Variants in IFT74 observed in about 807,000 individuals in gnomAD.
IFT74 encodes intraflagellar transport protein 74 homolog.
In IFT74, 92 loss-of-function variants were observed where a neutral mutation model predicts 96.7. That is an observed-to-expected ratio of 0.95 (90% CI 0.80 to 1.13). The LOEUF (loss-of-function observed/expected upper bound fraction) is 1.13. IFT74 is among the 50% of genes most tolerant of loss of function. The pLI is 0.00. For synonymous variants in IFT74, 223 were observed against 213.2 expected, an observed-to-expected ratio of 1.05 and a Z score of -0.40; for missense variants, 811 against 698.2, an observed-to-expected ratio of 1.16 and a Z score of -1.82.
At chr9:27,051,302 C>A (rs150822549) in intron 16 of IFT74, among the ~76,000 whole-genome samples, 120 of 151,972 alleles carry the variant, frequency 7.9e-4, no homozygotes, top group African/African-American at 2.3e-3. Flanking sequence ...TATTTTATAT[C>A]CAGATTTGTT....
At chr9:27,045,346 C>A (rs1306834836) in intron 14 of IFT74, among the ~76,000 whole-genome samples, 5 of 152,192 alleles carry the variant, frequency 3.3e-5, no homozygotes, top group South Asian at 2.1e-4. Flanking sequence ...AAATTGTCTT[C>A]CATGGTCCCT....
intron 12 of IFT74, among the ~76,000 whole-genome samples, chr9:27,022,889 C>T (rs542106893): frequency 3.9e-5 from 6 of 152,232 alleles, no homozygotes; most frequent in African/African-American, 1.2e-4. Context: ...CTGCCTACCT[C>T]GGCCTCCCAA....
chr9:27,036,224 CA>C (rs1819174056), intron 13 of IFT74, among the ~76,000 whole-genome samples: 1 of 152,164 alleles, frequency 6.6e-6, no homozygotes, highest in Admixed American at 6.5e-5. Flanking sequence ...CTTGCTATCT[CA>C]GGGGTAGCAG....
intron 8 of IFT74, chr9:26,996,542 A>G (rs1828170671): frequency 4.1e-6 from 5 of 1,231,816 alleles, no homozygotes; most frequent in African/African-American, 3.1e-5. Context: ...GAGAAAAATA[A>G]TAGTTAACAA....
chr9:27,062,472 G>C (rs1332387962), intron 19 of IFT74, 146 bp from the exon 20 acceptor site: 1 of 530,334 alleles, frequency 1.9e-6, no homozygotes, highest in East Asian at 3.3e-5. Flanking sequence ...TGCTTAATCT[G>C]TTAAAATGAT....
At chr9:26,979,982 T>C (rs1827299983) in intron 3 of IFT74, among the ~76,000 whole-genome samples, 1 of 152,148 alleles carries the variant, frequency 6.6e-6, no homozygotes, top group Non-Finnish European at 1.5e-5. Flanking sequence ...CCCAAAGTGC[T>C]GGGATTACAG....
intron 8 of IFT74, among the ~76,000 whole-genome samples, chr9:26,990,942 ATTAT>A (rs1192611131): frequency 1.3e-5 from 2 of 152,214 alleles, no homozygotes; most frequent in Non-Finnish European, 2.9e-5. Context: ...TTATTCCTGA[ATTAT>A]TTATTCTAAG....
chr9:26,947,891 AT>A (rs1436209274), intron 1 of IFT74, among the ~76,000 whole-genome samples: 1 of 152,086 alleles, frequency 6.6e-6, no homozygotes, highest in Non-Finnish European at 1.5e-5. Flanking sequence ...TGAGATACGT[AT>A]TTTTAACAAC....
intron 13 of IFT74, among the ~76,000 whole-genome samples, chr9:27,041,209 T>G (rs545029813): frequency 3.9e-5 from 6 of 152,242 alleles, no homozygotes; most frequent in South Asian, 2.1e-4. Context: ...CTTTTTTCTT[T>G]AATCCCCATG....
At chr9:27,048,717 C>T (rs1819799476) in intron 16 of IFT74, among the ~76,000 whole-genome samples, 1 of 152,096 alleles carries the variant, frequency 6.6e-6, no homozygotes, top group African/African-American at 2.4e-5. Flanking sequence ...CTGGTTAGGC[C>T]AGCTGTGTCT....
chr9:27,016,522 G>C (rs921907346), intron 10 of IFT74, among the ~76,000 whole-genome samples: 2 of 152,132 alleles, frequency 1.3e-5, no homozygotes, highest in African/African-American at 4.8e-5. Flanking sequence ...GACCTATTTA[G>C]GGAAAAATAT....
intron 8 of IFT74, among the ~76,000 whole-genome samples, chr9:27,000,718 T>C (rs1828435847): frequency 6.6e-6 from 1 of 152,178 alleles, no homozygotes; most frequent in Non-Finnish European, 1.5e-5. Context: ...AAATAGCTAA[T>C]GGATGCTGGG....
intron 5 of IFT74, 35 bp from the exon 6 acceptor site, chr9:26,984,464 A>G: frequency 6.3e-7 from 1 of 1,593,498 alleles, no homozygotes; most frequent in South Asian, 1.1e-5. Flanking sequence ...ATTTTTATGT[A>G]CATATTTATG....
chr9:27,042,144 G>A (rs570380436), intron 13 of IFT74, among the ~76,000 whole-genome samples: 1 of 152,226 alleles, frequency 6.6e-6, no homozygotes, highest in South Asian at 2.1e-4. Flanking sequence ...TACTGAGTTA[G>A]GATGTCCTGA....
chr9:26,997,650 A>G (rs1667919211), intron 8 of IFT74: 3 of 1,456,576 alleles, frequency 2.1e-6, no homozygotes, highest in African/African-American at 1.4e-5. Context: ...TTTTCTTTAA[A>G]ACGTGATATG....
At chr9:27,033,198 G>T (rs1466952179) in intron 13 of IFT74, among the ~76,000 whole-genome samples, 1 of 152,118 alleles carries the variant, frequency 6.6e-6, no homozygotes, top group African/African-American at 2.4e-5. Flanking sequence ...CTATGAGGAT[G>T]TATACTTCAT....
Position 27,016,826 on chromosome 9 carries a change from CATTCTT to C in IFT74, c.790-78_790-73del, listed in dbSNP as rs1171012516. On this transcript the variant is annotated intron_variant, in intron 10 of 19. Coordinates refer to ENST00000380062, the MANE Select transcript of IFT74 (RefSeq NM_025103.4). ...GATGCTAGTAGTTTAAATTTACCCCCATTCTTATAAACTGAAACCTATTTTAGAATA... is the reference window on the plus strand; with the variant it reads ...GATGCTAGTAGTTTAAATTTACCCCCATAAACTGAAACCTATTTTAGAATA... The C allele has an allele frequency of 2.8e-6, 3 of 1,070,462 alleles. No individual in the cohort carries two copies. The East Asian group carries it at 8.0e-5, about 29-fold the overall frequency. 66.3% of individuals were successfully genotyped at this position (1,070,462 alleles called of 1,614,324 possible). A position where few individuals can be genotyped will look rare whatever the true frequency, so the allele number is the denominator to read the frequency against.
At chr9:26,996,289 A>G in intron 8 of IFT74, 1 of 1,384,172 alleles carries the variant, frequency 7.2e-7, no homozygotes, top group Non-Finnish European at 1.0e-6. Context: ...AGCAGTGTTA[A>G]TATATAGAAC....
At chr9:26,977,550 A>T (rs183230357) in intron 2 of IFT74, among the ~76,000 whole-genome samples, 1 of 152,128 alleles carries the variant, frequency 6.6e-6, no homozygotes. Context: ...GTGCAGTGGC[A>T]TGATCTCGGC....
Sources: gnomAD v4.1 joint callset for allele counts (sites outside exome capture counted in the v4.1 genomes callset) on GRCh38, gnomAD v4.1.1 for gene constraint, MANE v1.5 for transcripts, NCBI Gene and HGNC (gene_info 2026-07-23, HGNC 2026-07-21) for gene names.